Variants in SLC66A3 observed in about 807,000 individuals in gnomAD.
SLC66A3 encodes solute carrier family 66 member 3.
A neutral mutation model predicts 25.5 loss-of-function variants in SLC66A3; 23 were observed. The ratio of observed to expected loss-of-function variants is 0.90; its 90% CI spans 0.65 to 1.28. SLC66A3 has a LOEUF of 1.28. SLC66A3 is among the 50% of genes most tolerant of loss of function. SLC66A3 has a pLI of 0.00. For synonymous variants in SLC66A3, 108 were observed against 112.6 expected (o/e 0.96, Z 0.26); for missense variants, 246 against 262.1 (o/e 0.94, Z 0.42).
intron 5 of SLC66A3, among the ~76,000 whole-genome samples, chr2:11,174,159 T>C (rs1342536785): frequency 6.6e-6 from 1 of 152,136 alleles, no homozygotes; most frequent in Non-Finnish European, 1.5e-5. Context: ...GGTCTCACCA[T>C]GTTGGTCAGG....
intron 1 of SLC66A3, among the ~76,000 whole-genome samples, chr2:11,156,118 T>C (rs377143736): frequency 5.3e-5 from 8 of 152,238 alleles, no homozygotes; most frequent in African/African-American, 1.9e-4. Context: ...GGGGTTGAAC[T>C]AAGAATGTAT....
chr2:11,175,444 C>T (rs976769106), intron 6 of SLC66A3, among the ~76,000 whole-genome samples: 2 of 152,092 alleles, frequency 1.3e-5, no homozygotes, highest in African/African-American at 4.8e-5. Context: ...AGGATGTGGG[C>T]GGAGGCCAGA....
intron 4 of SLC66A3, among the ~76,000 whole-genome samples, chr2:11,165,428 C>T (rs1000453210): frequency 4.7e-5 from 7 of 150,432 alleles, no homozygotes; most frequent in East Asian, 2.0e-4. Flanking sequence ...ACTGGGCAGC[C>T]GGGCAGAGGG....
intron 6 of SLC66A3, among the ~76,000 whole-genome samples, chr2:11,177,465 A>G (rs1356827508): frequency 2.6e-5 from 4 of 152,178 alleles, no homozygotes; most frequent in Non-Finnish European, 4.4e-5. Flanking sequence ...TCAAAAAAAA[A>G]AAAAAAAAGT....
intron 4 of SLC66A3, 130 bp from the exon 5 acceptor site, chr2:11,171,795 C>T: frequency 1.2e-6 from 1 of 853,450 alleles, no homozygotes; most frequent in Non-Finnish European, 1.8e-6. Context: ...GTCTCGATCT[C>T]CTGACCTCAT....
At position 11,167,065 on chromosome 2, in the gene SLC66A3, G is replaced by A. The variant is rs141229074; in HGVS notation, c.354+2804G>A. On this transcript the variant is annotated intron_variant, in intron 4 of 6. Coordinates refer to ENST00000295083, the MANE Select transcript of SLC66A3 (RefSeq NM_152391.5). ...TAGGTCTTACTACTGATGAGTTGGG[G>A]TGGTTCTAGTTCTATTAGCCCCCAT... is the stretch of plus-strand genomic sequence containing the variant. Among the ~76,000 whole-genome samples, 729 of 152,332 alleles carry A rather than the reference G, an allele frequency of 4.8e-3. 5 individuals carry two copies. The highest frequency in any genetic ancestry group is 0.017 in the Admixed American group (265 of 15,302).
chr2:11,156,989 C>T (rs1454402883), intron 1 of SLC66A3, among the ~76,000 whole-genome samples: 17 of 152,274 alleles, frequency 1.1e-4, no homozygotes. Flanking sequence ...GGGATTTGGC[C>T]TCGGCCCCTT....
At chr2:11,177,444 GC>G (rs1282185015) in intron 6 of SLC66A3, among the ~76,000 whole-genome samples, 2 of 149,012 alleles carry the variant, frequency 1.3e-5, no homozygotes, top group African/African-American at 5.0e-5. Context: ...GGGTGACAGG[GC>G]AAGACTGTCT....
At chr2:11,156,948 G>C (rs1661926591) in intron 1 of SLC66A3, among the ~76,000 whole-genome samples, 2 of 152,160 alleles carry the variant, frequency 1.3e-5, no homozygotes, top group African/African-American at 4.8e-5. Flanking sequence ...GTTCAGGTGG[G>C]AGAGGGGACA....
chr2:11,174,757 T>C (rs972815999), intron 5 of SLC66A3, among the ~76,000 whole-genome samples: 1 of 152,210 alleles, frequency 6.6e-6, no homozygotes, highest in Admixed American at 6.5e-5. Context: ...ATGGCTAGTT[T>C]TTATGTAATT....
intron 1 of SLC66A3, among the ~76,000 whole-genome samples, chr2:11,158,815 T>C (rs13396942): frequency 0.58 from 87,745 of 151,710 alleles, 27,198 homozygotes; most frequent in Non-Finnish European, 0.7. Flanking sequence ...CAAGACTCCA[T>C]CTCAAAAAAA....
At chr2:11,172,805 G>A (rs568030584) in intron 5 of SLC66A3, 8 of 416,334 alleles carry the variant, frequency 1.9e-5, no homozygotes, top group Middle Eastern at 1.5e-3. Context: ...CACTCACTGC[G>A]GGTTTCCAAG....
intron 6 of SLC66A3, among the ~76,000 whole-genome samples, 173 bp from the exon 7 acceptor site, chr2:11,177,564 G>A (rs1253163973): frequency 6.6e-6 from 1 of 152,214 alleles, no homozygotes; most frequent in Non-Finnish European, 1.5e-5. Flanking sequence ...GTTGGGCCAA[G>A]GGGCCAAAAA....
chr2:11,162,471 C>T (rs547494865), intron 3 of SLC66A3, among the ~76,000 whole-genome samples: 1 of 152,362 alleles, frequency 6.6e-6, no homozygotes, highest in African/African-American at 2.4e-5. Flanking sequence ...GCTGGTGGCA[C>T]TGGGAGATAC....
intron 1 of SLC66A3, among the ~76,000 whole-genome samples, chr2:11,160,048 C>T (rs1298933071): frequency 6.6e-6 from 1 of 152,210 alleles, no homozygotes; most frequent in African/African-American, 2.4e-5. Flanking sequence ...GCCTCTGCAG[C>T]TTCTCAGAGT....
intron 4 of SLC66A3, among the ~76,000 whole-genome samples, chr2:11,171,671 C>A (rs985651695): frequency 1.3e-5 from 2 of 152,078 alleles, no homozygotes; most frequent in African/African-American, 2.4e-5. Flanking sequence ...CGGGTTCATG[C>A]CATTCTCCTG....
At chr2:11,157,102 C>T (rs564481329) in intron 1 of SLC66A3, among the ~76,000 whole-genome samples, 2 of 152,194 alleles carry the variant, frequency 1.3e-5, no homozygotes, top group East Asian at 3.9e-4. Flanking sequence ...AGCCCCTAGG[C>T]CTGCATTTCC....
At chr2:11,174,845 ATAAAAATAATT>A (rs563233069) in intron 5 of SLC66A3, 112 bp from the exon 6 acceptor site, 2 of 563,038 alleles carry the variant, frequency 3.6e-6, no homozygotes, top group Non-Finnish European at 6.0e-6. Context: ...TAAAAAAAGA[ATAAAAATAATT>A]TAAAAATAAT....
intron 6 of SLC66A3, among the ~76,000 whole-genome samples, chr2:11,177,477 A>G (rs1294141914): frequency 6.6e-6 from 1 of 151,730 alleles, no homozygotes; most frequent in African/African-American, 2.4e-5. Flanking sequence ...AAAAAAAGTT[A>G]AAAGTTATAA....
Sources: gnomAD v4.1 joint callset for allele counts (sites outside exome capture counted in the v4.1 genomes callset) on GRCh38, gnomAD v4.1.1 for gene constraint, MANE v1.5 for transcripts, NCBI Gene and HGNC (gene_info 2026-07-23, HGNC 2026-07-21) for gene names.